The following ANKRD28 variants were observed in gnomAD, a reference collection of about 807,000 sequenced individuals.
ANKRD28 encodes ankyrin repeat domain 28.
A neutral mutation model predicts 126.5 loss-of-function variants in ANKRD28; 44 were observed. That is an observed-to-expected ratio of 0.35 (90% CI 0.27 to 0.45). The LOEUF (loss-of-function observed/expected upper bound fraction) is 0.45. Ranked by LOEUF, ANKRD28 falls within the 20% of genes least tolerant of loss-of-function variation. ANKRD28 has a pLI of 1.00. For missense variants in ANKRD28, 1,110 were observed against 1,316.6 expected, an observed-to-expected ratio of 0.84 and a Z score of 2.43; for synonymous variants, 442 against 468.5, an observed-to-expected ratio of 0.94 and a Z score of 0.73.
intron 1 of ANKRD28, among the ~76,000 whole-genome samples, chr3:15,810,653 A>C (rs1448618275): frequency 6.6e-6 from 1 of 151,600 alleles, no homozygotes; most frequent in Non-Finnish European, 1.5e-5. Flanking sequence ...TAGCATCAAC[A>C]CTACATGAGT....
In ANKRD28 at chr3:15,679,492, G is replaced by A. The variant is rs774673724; in HGVS notation, c.2461C>T (p.Pro821Ser). The part of the protein sequence containing the change: ...FQKTEGNAFS[P>S]LHCAVINDNE... ...TTTACTTACACGGCACAATGCAATG[G>A]ACTAAAAGCATTTCCTTCCGTTTTC... Residue 821 changes from proline to serine, a missense_variant, in exon 22 of 28, where the codon CCA (proline) becomes TCA (serine). By Grantham distance (74) the Pro-to-Ser change is moderately conservative. Coordinates refer to ENST00000683139, the MANE Select transcript of ANKRD28 (RefSeq NM_001349278.2). 1.9e-6 allele frequency: 3 copies of A among 1,613,838 alleles called. No homozygotes were observed. Among genetic ancestry groups the A allele is most frequent in the Non-Finnish European group, 2.5e-6 (3 of 1,179,838 alleles).
In ANKRD28 at chr3:15,677,547, C is replaced by T; in HGVS notation, c.2723G>A (p.Ser908Asn). 2 of 1,611,916 alleles carry T rather than the reference C, an allele frequency of 1.2e-6. No homozygotes were observed. Among genetic ancestry groups the T allele is most frequent in the Non-Finnish European group, 1.7e-6 (2 of 1,178,604 alleles). The change falls in exon 25 of 28, where the codon AGT (serine) becomes AAT (asparagine). Residue 908 changes from serine to asparagine, a missense_variant. Ser to Asn is a conservative substitution (Grantham distance 46). Transcript: ENST00000683139. Reference sequence around the variant, plus strand: ...TTGTAAAGTCAGTTCTGCACTAGCACTGCTAACCAGCATCTCTGGGAGGAA... The same window carrying T: ...TTGTAAAGTCAGTTCTGCACTAGCATTGCTAACCAGCATCTCTGGGAGGAA... ...QTNTVEMLVS[S>N]ASAELTLQDN... is the part of the protein sequence containing the mutation.
intron 1 of ANKRD28, among the ~76,000 whole-genome samples, chr3:15,813,254 T>C (rs1226362953): frequency 6.6e-6 from 1 of 151,986 alleles, no homozygotes. Flanking sequence ...TAGTCCCAGC[T>C]ACTCGGGAGG....
intron 1 of ANKRD28, among the ~76,000 whole-genome samples, chr3:15,842,487 T>C (rs1361636127): frequency 6.6e-6 from 1 of 151,592 alleles, no homozygotes; most frequent in Non-Finnish European, 1.5e-5. Flanking sequence ...TAGAAAAAAA[T>C]AGAAAGAATG....
At chr3:15,795,793 A>C (rs1222699589) in intron 1 of ANKRD28, among the ~76,000 whole-genome samples, 8 of 152,144 alleles carry the variant, frequency 5.3e-5, no homozygotes. Context: ...GCAGTTGATG[A>C]AAATAGCCAC....
intron 2 of ANKRD28, among the ~76,000 whole-genome samples, chr3:15,774,963 G>C (rs2059186819): frequency 8.4e-6 from 1 of 119,118 alleles, no homozygotes; most frequent in African/African-American, 3.4e-5. Flanking sequence ...TGCAACCTCT[G>C]CCTCCAGGAT....
chr3:15,823,117 T>C (rs1310307752), intron 1 of ANKRD28, among the ~76,000 whole-genome samples: 1 of 152,158 alleles, frequency 6.6e-6, no homozygotes, highest in East Asian at 1.9e-4. Flanking sequence ...GAAAGACAAT[T>C]TTTCCATGGA....
intron 3 of ANKRD28, among the ~76,000 whole-genome samples, chr3:15,760,528 G>T (rs2058402556): frequency 6.6e-6 from 1 of 152,116 alleles, no homozygotes; most frequent in Non-Finnish European, 1.5e-5. Flanking sequence ...ACAGGACTAG[G>T]ATAAAAATAT....
chr3:15,777,655 G>A (rs1424039230), intron 2 of ANKRD28, among the ~76,000 whole-genome samples: 1 of 152,024 alleles, frequency 6.6e-6, no homozygotes, highest in Non-Finnish European at 1.5e-5. Flanking sequence ...AGCTAAACAG[G>A]CTTCTTTTCA....
chr3:15,801,000 T>TA (rs980438454), upstream of ANKRD28, among the ~76,000 whole-genome samples: 1 of 152,130 alleles, frequency 6.6e-6, no homozygotes, highest in Non-Finnish European at 1.5e-5. Context: ...GTACTTCTGA[T>TA]AAAAAACTGC....
chr3:15,696,496 T>C (rs888878264), intron 14 of ANKRD28, among the ~76,000 whole-genome samples: 2 of 152,136 alleles, frequency 1.3e-5, no homozygotes, highest in African/African-American at 4.8e-5. Flanking sequence ...CAGCTTTTTT[T>C]TTCATATGTG....
intron 1 of ANKRD28, among the ~76,000 whole-genome samples, chr3:15,855,087 C>T (rs929316249): frequency 6.6e-6 from 1 of 152,010 alleles, no homozygotes; most frequent in East Asian, 1.9e-4. Flanking sequence ...CAGGAAGACA[C>T]CTCCTACATA....
At chr3:15,692,146 A>T (rs1335013237) in intron 17 of ANKRD28, among the ~76,000 whole-genome samples, 2 of 140,070 alleles carry the variant, frequency 1.4e-5, no homozygotes, top group African/African-American at 5.8e-5. Context: ...TCTCTAAATA[A>T]AAAAAAAAAA....
chr3:15,715,454 T>G (rs530024182), intron 8 of ANKRD28, among the ~76,000 whole-genome samples: 7 of 152,352 alleles, frequency 4.6e-5, no homozygotes, highest in African/African-American at 1.7e-4. Flanking sequence ...TAATAATAAT[T>G]AGAACATCAT....
chr3:15,713,826 A>G (rs906706323), intron 9 of ANKRD28, among the ~76,000 whole-genome samples, 185 bp from the exon 10 acceptor site: 1 of 152,220 alleles, frequency 6.6e-6, no homozygotes, highest in African/African-American at 2.4e-5. Context: ...ACTTAAAGCA[A>G]TTGTGTGAAT....
chr3:15,709,660 T>C lies in ANKRD28; in HGVS notation c.1406+8A>G, dbSNP rs759629657. ...TAGGCTCCATAAAGAAACTGTATCATACCCTACCTCCCAAATTTGTCCTTT... is the reference window on the plus strand; with the variant it reads ...TAGGCTCCATAAAGAAACTGTATCACACCCTACCTCCCAAATTTGTCCTTT... On this transcript the variant is annotated splice_region_variant and intron_variant, in intron 13 of 27. Coordinates refer to ENST00000683139, the MANE Select transcript of ANKRD28 (RefSeq NM_001349278.2). 9 of 1,568,208 alleles carry C rather than the reference T, an allele frequency of 5.7e-6. No individual in the cohort carries two copies. The Admixed American group carries it at 1.5e-4, about 26-fold the overall frequency.
At chr3:15,710,989 T>G (rs1346257074) in intron 12 of ANKRD28, among the ~76,000 whole-genome samples, 7 of 152,240 alleles carry the variant, frequency 4.6e-5, no homozygotes, top group Non-Finnish European at 8.8e-5. Flanking sequence ...TATTTCCTTT[T>G]GTAGGTTTAT....
chr3:15,770,856 C>T (rs2058963512), intron 2 of ANKRD28, among the ~76,000 whole-genome samples: 1 of 152,126 alleles, frequency 6.6e-6, no homozygotes, highest in African/African-American at 2.4e-5. Context: ...CATGGCAGTT[C>T]CTGTAGTAAC....
chr3:15,834,199 T>C (rs900166421), intron 1 of ANKRD28, among the ~76,000 whole-genome samples: 1 of 152,188 alleles, frequency 6.6e-6, no homozygotes, highest in East Asian at 1.9e-4. Flanking sequence ...TCAGGTCTTA[T>C]GTTTAGCTCT....
Sources: allele counts gnomAD v4.1 joint callset (sites outside exome capture counted in the v4.1 genomes callset), GRCh38; gene constraint gnomAD v4.1.1; transcripts MANE v1.5; gene names NCBI Gene and HGNC (gene_info 2026-07-23, HGNC 2026-07-21).